Variants in JMJD1C observed in about 807,000 individuals in gnomAD.
JMJD1C encodes the protein jumonji domain-containing protein 1C.
Under a neutral mutation model 245.3 loss-of-function variants are expected in JMJD1C, and 31 were observed. The ratio of observed to expected loss-of-function variants is 0.13; its 90% CI spans 0.09 to 0.17. The LOEUF (loss-of-function observed/expected upper bound fraction) is 0.17, where lower values mean the gene tolerates loss of function less well. Among genes scored for constraint, JMJD1C ranks in the 10% least tolerant of loss-of-function variants. The pLI is 1.00. For synonymous variants in JMJD1C, 1,057 were observed against 1,017.4 expected, an observed-to-expected ratio of 1.04 and a Z score of -0.74; for missense variants, 2,691 against 3,000.2, an observed-to-expected ratio of 0.90 and a Z score of 2.41.
rs909799864 is a variant in JMJD1C at position 63,171,639 on chromosome 10, G to C, written c.7402-3073C>G. On this transcript the variant is annotated intron_variant, in intron 24 of 25. Transcript: ENST00000399262. ...GTGTGGTCCCTGAACAGTAAAATCA[G>C]CATTTCCTGGAAACTTGTCAGAAAT... 2.6e-5 allele frequency among the ~76,000 whole-genome samples: 4 copies of C among 152,166 alleles called. No individual in the cohort carries two copies. In the South Asian group the frequency reaches 8.3e-4, roughly 32 times the overall value.
chr10:63,240,199 C>T (rs1465676312), intron 3 of JMJD1C, among the ~76,000 whole-genome samples: 2 of 151,792 alleles, frequency 1.3e-5, no homozygotes, highest in Non-Finnish European at 2.9e-5. Context: ...TTTTAAAAGA[C>T]AGTGGAAATG....
chr10:63,358,743 G>A (rs1475715511), intron 2 of JMJD1C: 1 of 152,474 alleles, frequency 6.6e-6, no homozygotes, highest in African/African-American at 2.4e-5. Context: ...AACGTTAATA[G>A]AAGAGAATGC....
chr10:63,503,215 A>G (rs1954615099), intron 1 of JMJD1C, among the ~76,000 whole-genome samples: 1 of 152,210 alleles, frequency 6.6e-6, no homozygotes, highest in Non-Finnish European at 1.5e-5. Context: ...ATCTAAATGA[A>G]ACAATCATTT....
chr10:63,424,229 T>A (rs79209607), intron 1 of JMJD1C, among the ~76,000 whole-genome samples: 1 of 22,174 alleles, frequency 4.5e-5, no homozygotes, highest in Non-Finnish European at 2.9e-4. Flanking sequence ...CATACCCAGC[T>A]TTTTTTTTTT....
At chr10:63,328,428 G>A (rs564591775) in intron 2 of JMJD1C, among the ~76,000 whole-genome samples, 1 of 152,278 alleles carries the variant, frequency 6.6e-6, no homozygotes, top group East Asian at 1.9e-4. Context: ...AGCTCCCACT[G>A]CAAATTCATT....
At chr10:63,256,885 G>A (rs982077122) in intron 3 of JMJD1C, among the ~76,000 whole-genome samples, 3 of 152,134 alleles carry the variant, frequency 2.0e-5, no homozygotes, top group African/African-American at 7.2e-5. Flanking sequence ...GAAAAGTCAG[G>A]GAGTAACTGG....
chr10:63,407,855 A>G (rs1949261240), intron 1 of JMJD1C, among the ~76,000 whole-genome samples: 1 of 152,034 alleles, frequency 6.6e-6, no homozygotes, highest in South Asian at 2.1e-4. Flanking sequence ...TTAGCAAATT[A>G]AATTATGATA....
chr10:63,364,157 G>A (rs1463546174), intron 2 of JMJD1C, among the ~76,000 whole-genome samples: 6 of 152,044 alleles, frequency 3.9e-5, no homozygotes, highest in East Asian at 3.9e-4. Context: ...GAGCCACTGC[G>A]CCCAGACTGT....
chr10:63,190,774 C>T (rs180876548), intron 17 of JMJD1C, 120 bp downstream of exon 17: 28 of 718,846 alleles, frequency 3.9e-5, no homozygotes, highest in Admixed American at 1.5e-4. Context: ...TAGAAACATG[C>T]CTAGCAATTT....
intron 2 of JMJD1C, among the ~76,000 whole-genome samples, chr10:63,296,936 G>C (rs1859499533): frequency 6.6e-6 from 1 of 152,060 alleles, no homozygotes; most frequent in Non-Finnish European, 1.5e-5. Context: ...TCATAAATCA[G>C]GTTACACATT....
intron 2 of JMJD1C, among the ~76,000 whole-genome samples, chr10:63,291,519 G>A (rs900470824): frequency 2.6e-5 from 4 of 151,416 alleles, no homozygotes; most frequent in Non-Finnish European, 5.9e-5. Context: ...GGAGGCTGAC[G>A]CAGGAGAATC....
At chr10:63,193,628 T>C (rs912856076) in intron 14 of JMJD1C, 156 bp from the exon 15 acceptor site, 7 of 521,176 alleles carry the variant, frequency 1.3e-5, no homozygotes, top group African/African-American at 2.0e-5. Context: ...CTTCCATCTA[T>C]TACAGTTTTG....
chr10:63,404,030 G>A (rs1018448388), intron 1 of JMJD1C, among the ~76,000 whole-genome samples: 9 of 151,000 alleles, frequency 6.0e-5, no homozygotes, highest in South Asian at 2.1e-4. Flanking sequence ...CAGGAGAATC[G>A]CTGTAGCTCA....
intron 10 of JMJD1C, 92 bp downstream of exon 10, chr10:63,206,503 C>T (rs940241677): frequency 1.1e-6 from 1 of 949,844 alleles, no homozygotes; most frequent in African/African-American, 1.6e-5. Flanking sequence ...ACAAAGGATG[C>T]CTTTAAGCTC....
intron 1 of JMJD1C, among the ~76,000 whole-genome samples, chr10:63,390,336 T>C (rs547989089): frequency 1.8e-4 from 27 of 151,950 alleles, no homozygotes; most frequent in Middle Eastern, 3.2e-3. Flanking sequence ...CAGGAAGAAA[T>C]AGAAAATCTA....
chr10:63,436,075 T>C (rs900130345), intron 1 of JMJD1C, among the ~76,000 whole-genome samples: 3 of 152,102 alleles, frequency 2.0e-5, no homozygotes, highest in Admixed American at 2.0e-4. Flanking sequence ...TTAATATCTA[T>C]GAAAGAGAAA....
rs770030772 is a variant in JMJD1C at position 63,465,653 on chromosome 10, C to T, written c.10G>A (p.Glu4Lys). The T allele has an allele frequency of 4.4e-6, 7 of 1,608,994 alleles. No individual in the cohort carries two copies. In the Admixed American group the frequency reaches 5.0e-5, roughly 11 times the overall value. Residue 4 changes from glutamate to lysine, a missense_variant, in exon 1 of 26, where the codon GAG becomes AAG. Transcript: ENST00000399262. MAV[E>K]TRAELVGKRF... ...TTACCCACCAGCTCTGCCCGCGTCT[C>T]TACCGCCATAGCTGTCGCTGCCGAA...
At position 63,208,975 on chromosome 10, in the gene JMJD1C, G is replaced by A. The variant is rs546872522; in HGVS notation, c.2867+88C>T. Reference sequence around the variant, plus strand: ...AGAACAAAGCCTAATCTTAAGATATGTGTTAACTTAAAATTAACTATTTAA... The same window carrying A: ...AGAACAAAGCCTAATCTTAAGATATATGTTAACTTAAAATTAACTATTTAA... On this transcript the variant is annotated intron_variant, in intron 9 of 25. Coordinates refer to ENST00000399262, the MANE Select transcript of JMJD1C (RefSeq NM_032776.3). 10 of 1,182,462 alleles carry A rather than the reference G, an allele frequency of 8.5e-6. No individual in the cohort carries two copies. The East Asian group carries it at 2.2e-4, about 26-fold the overall frequency. The allele number at this position is 1,182,462 out of a possible 1,614,324, so 73.2% of individuals were successfully genotyped here. A position where few individuals can be genotyped will look rare whatever the true frequency, so the allele number is the denominator to read the frequency against.
At chr10:63,183,358 G>A (rs779241995) in intron 22 of JMJD1C, 89 bp downstream of exon 22, 7 of 1,202,578 alleles carry the variant, frequency 5.8e-6, no homozygotes, top group Non-Finnish European at 6.9e-6. Context: ...AATCTTCGCT[G>A]TTAACTCAGA....
Sources: gnomAD v4.1 joint callset for allele counts (sites outside exome capture counted in the v4.1 genomes callset) on GRCh38, gnomAD v4.1.1 for gene constraint, MANE v1.5 for transcripts, NCBI Gene and HGNC (gene_info 2026-07-23, HGNC 2026-07-21) for gene names.